Variants in DDX10 observed in about 807,000 individuals in gnomAD.
The protein encoded by DDX10 is probable ATP-dependent RNA helicase DDX10.
In DDX10, 74 loss-of-function variants were observed where a neutral mutation model predicts 104.3. The observed-to-expected ratio is 0.71, with a 90% confidence interval of 0.59 to 0.86. DDX10 has a LOEUF of 0.86. DDX10 is among the 40% of genes least tolerant of loss of function. The pLI is 0.00. For synonymous variants in DDX10, 351 were observed against 353.4 expected (o/e 0.99, Z 0.08); for missense variants, 952 against 1,040.0 (o/e 0.92, Z 1.16).
At chr11:108,897,249 C>T (rs1247944737) in intron 16 of DDX10, among the ~76,000 whole-genome samples, 1 of 152,154 alleles carries the variant, frequency 6.6e-6, no homozygotes, top group Non-Finnish European at 1.5e-5. Context: ...AAGCAGGGGA[C>T]AACCCATGTT....
chr11:108,710,887 C>T (rs545585720), intron 10 of DDX10, among the ~76,000 whole-genome samples: 1 of 152,270 alleles, frequency 6.6e-6, no homozygotes, highest in Non-Finnish European at 1.5e-5. Context: ...TCTCCTAGGC[C>T]TAAGTGATCC....
chr11:108,684,168 TAG>T (rs2094239631), intron 6 of DDX10, among the ~76,000 whole-genome samples: 1 of 98,666 alleles, frequency 1.0e-5, no homozygotes. Flanking sequence ...TTTAAGGTTA[TAG>T]ATTTTCTTTT....
At chr11:108,835,105 T>C (rs1287488484) in intron 13 of DDX10, among the ~76,000 whole-genome samples, 1 of 152,050 alleles carries the variant, frequency 6.6e-6, no homozygotes, top group Non-Finnish European at 1.5e-5. Context: ...GTCTTATTAA[T>C]CCCTTGTGTT....
chr11:108,695,401 C>T (rs953013459), intron 9 of DDX10, among the ~76,000 whole-genome samples: 4 of 152,202 alleles, frequency 2.6e-5, no homozygotes, highest in Admixed American at 2.0e-4. Flanking sequence ...ACAAACTCTT[C>T]TCAAAACTTT....
chr11:108,881,997 C>A (rs181233765), intron 16 of DDX10, among the ~76,000 whole-genome samples: 315 of 152,180 alleles, frequency 2.1e-3, no homozygotes, highest in African/African-American at 7.2e-3. Context: ...AGTAGGAGAT[C>A]CCTAACAAAT....
At chr11:108,721,984 T>TGCCA (rs1461572503) in intron 12 of DDX10, among the ~76,000 whole-genome samples, 3 of 152,222 alleles carry the variant, frequency 2.0e-5, no homozygotes, top group Non-Finnish European at 2.9e-5. Context: ...GTTCCCTATA[T>TGCCA]GCCAGGCACT....
intron 15 of DDX10, among the ~76,000 whole-genome samples, chr11:108,849,961 A>T (rs1336462305): frequency 6.6e-6 from 1 of 152,150 alleles, no homozygotes; most frequent in Non-Finnish European, 1.5e-5. Flanking sequence ...TTGAATTATG[A>T]TAAATCTACT....
At chr11:108,908,321 GT>G (rs1863623823) in intron 16 of DDX10, among the ~76,000 whole-genome samples, 1 of 152,098 alleles carries the variant, frequency 6.6e-6, no homozygotes. Flanking sequence ...TCACTTTTCT[GT>G]AAAATTTTCT....
chr11:108,851,130 C>A (rs1430035173), intron 15 of DDX10, among the ~76,000 whole-genome samples: 1 of 151,628 alleles, frequency 6.6e-6, no homozygotes, highest in Non-Finnish European at 1.5e-5. Flanking sequence ...ATGTAAGCAA[C>A]AAAACACTCA....
rs1436118921 is a variant in DDX10 at position 108,715,906 on chromosome 11, C to G, written c.1350C>G (p.Val450=). Residue 450 remains valine, a synonymous_variant, in exon 11 of 18, where the codon GTC becomes GTG. Transcript: ENST00000322536. ...TCAATCCAGAAAAACTTATAGATGT[C>G]CAGAAAAAATTGGAATCTATTTTAG... ...IKINPEKLID[V]QKKLESILAQ... 1 of 1,554,362 alleles carries G rather than the reference C, an allele frequency of 6.4e-7. No homozygotes were observed. Among genetic ancestry groups the G allele is most frequent in the Non-Finnish European group, 8.9e-7 (1 of 1,129,642 alleles).
intron 1 of DDX10, among the ~76,000 whole-genome samples, chr11:108,669,511 G>A (rs2094214328): frequency 6.6e-6 from 1 of 152,162 alleles, no homozygotes; most frequent in Admixed American, 6.5e-5. Context: ...CTTTGAGGGA[G>A]GAAATGCTCC....
intron 13 of DDX10, among the ~76,000 whole-genome samples, chr11:108,778,492 T>G (rs1013235751): frequency 2.6e-5 from 4 of 152,114 alleles, no homozygotes; most frequent in East Asian, 1.9e-4. Flanking sequence ...GCTAGCCATA[T>G]GTAGAAAGCT....
At chr11:108,890,874 A>G (rs1863367058) in intron 16 of DDX10, among the ~76,000 whole-genome samples, 2 of 152,178 alleles carry the variant, frequency 1.3e-5, no homozygotes, top group South Asian at 4.1e-4. Context: ...TGCCTGTAGC[A>G]GCTGAGGTTA....
intron 16 of DDX10, among the ~76,000 whole-genome samples, chr11:108,856,406 G>A (rs1862870191): frequency 6.6e-6 from 1 of 151,958 alleles, no homozygotes; most frequent in Non-Finnish European, 1.5e-5. Flanking sequence ...AGTCCAGCCT[G>A]GGTGACAGAG....
chr11:108,935,620 C>T (rs1289671383), intron 17 of DDX10, among the ~76,000 whole-genome samples: 1 of 151,990 alleles, frequency 6.6e-6, no homozygotes, highest in Non-Finnish European at 1.5e-5. Flanking sequence ...GGCATGGAAA[C>T]CATTATTGAA....
At chr11:108,839,619 TC>T (rs1015243476) in intron 14 of DDX10, among the ~76,000 whole-genome samples, 37 of 152,212 alleles carry the variant, frequency 2.4e-4, no homozygotes, top group Admixed American at 7.2e-4. Flanking sequence ...AAGCAGCCTC[TC>T]CAGTGGAGTA....
intron 15 of DDX10, among the ~76,000 whole-genome samples, chr11:108,844,255 TG>T (rs1862681785): frequency 6.6e-6 from 1 of 152,126 alleles, no homozygotes; most frequent in African/African-American, 2.4e-5. Flanking sequence ...AAATCTTACC[TG>T]GAAAAAAAGC....
At chr11:108,808,973 G>C (rs1862139120) in intron 13 of DDX10, among the ~76,000 whole-genome samples, 1 of 152,080 alleles carries the variant, frequency 6.6e-6, no homozygotes, top group Admixed American at 6.5e-5. Flanking sequence ...TATTGAAAAG[G>C]AATGCAAAGG....
intron 13 of DDX10, among the ~76,000 whole-genome samples, chr11:108,817,914 G>T (rs945994624): frequency 1.3e-5 from 2 of 152,178 alleles, no homozygotes; most frequent in Non-Finnish European, 2.9e-5. Context: ...AGAACACCTT[G>T]TCTATAAGGA....
Sources: gnomAD v4.1 joint callset for allele counts (sites outside exome capture counted in the v4.1 genomes callset) on GRCh38, gnomAD v4.1.1 for gene constraint, MANE v1.5 for transcripts, NCBI Gene and HGNC (gene_info 2026-07-23, HGNC 2026-07-21) for gene names.